ST6GALNAC3: variants seen among roughly 807,000 people sequenced by gnomAD.
The protein encoded by ST6GALNAC3 is ST6 N-acetylgalactosaminide alpha-2,6-sialyltransferase 3, also known as alpha-N-acetylgalactosaminide alpha-2,6-sialyltransferase 3.
In ST6GALNAC3, 25 loss-of-function variants were observed where a neutral mutation model predicts 32.7. That is an observed-to-expected ratio of 0.76 (90% confidence interval 0.56 to 1.07). The LOEUF (loss-of-function observed/expected upper bound fraction) is 1.07. Ranked by LOEUF, ST6GALNAC3 falls within the 50% of genes least tolerant of loss-of-function variation. ST6GALNAC3 has a pLI of 0.00. For synonymous variants in ST6GALNAC3, 129 were observed against 133.1 expected (o/e 0.97, Z 0.21); for missense variants, 355 against 382.4 (o/e 0.93, Z 0.60).
At chr1:76,572,356 C>A (rs1646715966) in intron 3 of ST6GALNAC3, among the ~76,000 whole-genome samples, 1 of 152,222 alleles carries the variant, frequency 6.6e-6, no homozygotes, top group Non-Finnish European at 1.5e-5. Flanking sequence ...ATAAATGTTT[C>A]ATGACTGAAT....
chr1:76,143,392 C>CGT (rs4034974), intron 1 of ST6GALNAC3, among the ~76,000 whole-genome samples: 20,557 of 142,328 alleles, frequency 0.14, 1,727 homozygotes, highest in Non-Finnish European at 0.2. Context: ...CTTACCAAGT[C>CGT]GTGTGTGTGT....
rs201580110 is a variant in ST6GALNAC3, at chr1:76,105,212, C to T, written c.18+30328C>T. 4.8e-4 allele frequency among the ~76,000 whole-genome samples: 3 copies of T among 6,308 alleles called. No individual in the cohort carries two copies. In the South Asian group the frequency reaches 0.25, roughly 526 times the overall value. The allele number at this position is 6,308 out of a possible 152,430, so 4.1% of individuals were successfully genotyped here. On this transcript the variant is annotated intron_variant, in intron 1 of 4. Coordinates refer to ENST00000328299, the MANE Select transcript of ST6GALNAC3 (RefSeq NM_152996.4). ...AATGCAACTCTTATCAAGATTTTGT[C>T]ACAATTTGCATGGAAATATTCACAA...
At chr1:76,098,607 T>TA (rs67311636) in intron 1 of ST6GALNAC3, among the ~76,000 whole-genome samples, 1 of 151,874 alleles carries the variant, frequency 6.6e-6, no homozygotes, top group African/African-American at 2.4e-5. Context: ...TTTCCCCATT[T>TA]AAAAAAATGG....
intron 1 of ST6GALNAC3, among the ~76,000 whole-genome samples, chr1:76,162,939 A>AC (rs1651901538): frequency 6.6e-6 from 1 of 152,212 alleles, no homozygotes; most frequent in South Asian, 2.1e-4. Context: ...GGGGAATAGC[A>AC]TGTGTGTGGA....
intron 1 of ST6GALNAC3, among the ~76,000 whole-genome samples, chr1:76,202,776 A>T (rs1654606694): frequency 6.6e-6 from 1 of 152,222 alleles, no homozygotes; most frequent in Non-Finnish European, 1.5e-5. Flanking sequence ...ATATAGCCTC[A>T]GAGCATTGTA....
At chr1:76,408,070 G>C (rs147818643) in intron 2 of ST6GALNAC3, among the ~76,000 whole-genome samples, 1 of 152,020 alleles carries the variant, frequency 6.6e-6, no homozygotes. Context: ...GCATACTGTA[G>C]TTTGAAGGTG....
At chr1:76,253,654 A>G (rs557594965) in intron 1 of ST6GALNAC3, among the ~76,000 whole-genome samples, 24 of 152,120 alleles carry the variant, frequency 1.6e-4, no homozygotes, top group Non-Finnish European at 3.4e-4. Context: ...CGCTATGGAA[A>G]ATTATTGATG....
At chr1:76,124,354 A>G (rs945900648) in intron 1 of ST6GALNAC3, among the ~76,000 whole-genome samples, 3 of 152,194 alleles carry the variant, frequency 2.0e-5, no homozygotes, top group African/African-American at 7.2e-5. Flanking sequence ...AGAGATGACT[A>G]AAAGGTTTTG....
At chr1:76,623,606 G>T (rs372949381) in intron 3 of ST6GALNAC3, among the ~76,000 whole-genome samples, 56 of 152,066 alleles carry the variant, frequency 3.7e-4, no homozygotes, top group African/African-American at 1.3e-3. Flanking sequence ...TTTGGCCCCA[G>T]AGGATATCCT....
chr1:76,314,532 A>C (rs1474494587), intron 2 of ST6GALNAC3, among the ~76,000 whole-genome samples: 1 of 152,200 alleles, frequency 6.6e-6, no homozygotes, highest in East Asian at 1.9e-4. Context: ...TAAATCCTAT[A>C]ATCACAGAAG....
intron 1 of ST6GALNAC3, among the ~76,000 whole-genome samples, chr1:76,150,363 A>G (rs1650964880): frequency 1.3e-5 from 2 of 152,196 alleles, no homozygotes; most frequent in Admixed American, 1.3e-4. Context: ...GGTGTCAAGT[A>G]AAGCCAGTAG....
intron 2 of ST6GALNAC3, among the ~76,000 whole-genome samples, chr1:76,327,880 A>G (rs748932736): frequency 3.2e-4 from 49 of 152,126 alleles, no homozygotes; most frequent in Non-Finnish European, 4.4e-4. Context: ...GTGAACCCCC[A>G]TGCCTGGCCC....
At chr1:76,564,620 C>G (rs1472603249) in intron 3 of ST6GALNAC3, among the ~76,000 whole-genome samples, 4 of 142,918 alleles carry the variant, frequency 2.8e-5, no homozygotes, top group Admixed American at 1.4e-4. Flanking sequence ...GAGTCTAGCT[C>G]TGTTGCCCAG....
intron 1 of ST6GALNAC3, among the ~76,000 whole-genome samples, chr1:76,308,191 C>T (rs917327239): frequency 6.6e-6 from 1 of 152,100 alleles, no homozygotes; most frequent in Admixed American, 6.6e-5. Context: ...AAAAATATCT[C>T]TAGTTCTTAT....
At chr1:76,577,515 T>A (rs1220573040) in intron 3 of ST6GALNAC3, among the ~76,000 whole-genome samples, 1 of 152,018 alleles carries the variant, frequency 6.6e-6, no homozygotes, top group Non-Finnish European at 1.5e-5. Context: ...AACATTCATT[T>A]TCTTATAGAC....
At chr1:76,503,793 C>T (rs1047925982) in intron 3 of ST6GALNAC3, among the ~76,000 whole-genome samples, 3 of 152,162 alleles carry the variant, frequency 2.0e-5, no homozygotes, top group Admixed American at 6.5e-5. Context: ...TTTACAAACT[C>T]GGCTCAACCA....
intron 1 of ST6GALNAC3, among the ~76,000 whole-genome samples, chr1:76,214,618 T>C (rs1459157305): frequency 1.3e-5 from 2 of 152,190 alleles, no homozygotes; most frequent in Non-Finnish European, 2.9e-5. Context: ...TAAGCTTCAA[T>C]GAAAGAAAGG....
intron 3 of ST6GALNAC3, among the ~76,000 whole-genome samples, chr1:76,532,706 G>C (rs1282402538): frequency 6.6e-6 from 1 of 152,074 alleles, no homozygotes; most frequent in African/African-American, 2.4e-5. Context: ...TAAATAAAAT[G>C]GTTAGTTCAG....
At chr1:76,307,621 T>C (rs1661139200) in intron 1 of ST6GALNAC3, among the ~76,000 whole-genome samples, 1 of 152,156 alleles carries the variant, frequency 6.6e-6, no homozygotes, top group Non-Finnish European at 1.5e-5. Flanking sequence ...CTTTTCACAC[T>C]AGTGAATACT....
Sources: allele counts gnomAD v4.1 joint callset (sites outside exome capture counted in the v4.1 genomes callset), GRCh38; gene constraint gnomAD v4.1.1; transcripts MANE v1.5; gene names NCBI Gene and HGNC (gene_info 2026-07-23, HGNC 2026-07-21).